KAT6A: variants seen among roughly 807,000 people sequenced by gnomAD.
KAT6A encodes lysine acetyltransferase 6A.
In KAT6A, 9 loss-of-function variants were observed where a neutral mutation model predicts 198.4. That is an observed-to-expected ratio of 0.05 (90% CI 0.03 to 0.08). The LOEUF (loss-of-function observed/expected upper bound fraction) is 0.08, where lower values mean the gene tolerates loss of function less well. KAT6A is among the 10% of genes least tolerant of loss of function. The pLI is 1.00. For synonymous variants in KAT6A, 890 were observed against 883.0 expected, an observed-to-expected ratio of 1.01 and a Z score of -0.14; for missense variants, 2,077 against 2,509.9, an observed-to-expected ratio of 0.83 and a Z score of 3.69.
At chr8:41,989,267 G>A (rs565399865) in intron 2 of KAT6A, among the ~76,000 whole-genome samples, 1 of 152,264 alleles carries the variant, frequency 6.6e-6, no homozygotes, top group East Asian at 1.9e-4. Flanking sequence ...CCAGCACTTT[G>A]GGAGGCCGAG....
At chr8:42,008,675 C>G (rs1825864160) in intron 2 of KAT6A, among the ~76,000 whole-genome samples, 1 of 152,004 alleles carries the variant, frequency 6.6e-6, no homozygotes, top group Non-Finnish European at 1.5e-5. Flanking sequence ...ACACTGTTCT[C>G]AAGAACAGTG....
chr8:42,008,582 G>A (rs1028126187), intron 2 of KAT6A, among the ~76,000 whole-genome samples: 156 of 152,052 alleles, frequency 1.0e-3, no homozygotes, highest in Non-Finnish European at 1.5e-3. Flanking sequence ...CAAGTGATCC[G>A]CCTGCCTCTG....
Position 42,032,266 on chromosome 8 carries a change from AC to A in KAT6A, c.600+16111del, listed in dbSNP as rs561722288. Among the ~76,000 whole-genome samples the A allele has an allele frequency of 2.3e-3, 344 of 152,268 alleles. 1 individual carries two copies. Among genetic ancestry groups the A allele is most frequent in the African/African-American group, 8.0e-3 (333 of 41,558 alleles). Reference sequence around the variant, plus strand: ...GGCTCTAGTTCCATTTATTACCTTAACTATATAATTCTGACTAAGTAAAACT... The same window carrying A: ...GGCTCTAGTTCCATTTATTACCTTAATATATAATTCTGACTAAGTAAAACT... On this transcript the variant is annotated intron_variant, in intron 2 of 16. Transcript: ENST00000265713.
chr8:41,966,626 C>T (rs943526061), intron 8 of KAT6A, among the ~76,000 whole-genome samples: 4 of 152,140 alleles, frequency 2.6e-5, no homozygotes, highest in Non-Finnish European at 5.9e-5. Flanking sequence ...CTGTGATCAT[C>T]TCAGGTTGCG....
At chr8:41,992,903 G>A (rs1290048021) in intron 2 of KAT6A, among the ~76,000 whole-genome samples, 3 of 152,110 alleles carry the variant, frequency 2.0e-5, no homozygotes. Flanking sequence ...AAAAAAAGGA[G>A]AAAGTCTGGA....
chr8:42,024,236 A>C (rs1826684497), intron 2 of KAT6A, among the ~76,000 whole-genome samples: 1 of 152,236 alleles, frequency 6.6e-6, no homozygotes, highest in Non-Finnish European at 1.5e-5. Flanking sequence ...CACCACAAAC[A>C]TGCTGAGTAG....
intron 1 of KAT6A, among the ~76,000 whole-genome samples, chr8:42,050,956 T>C (rs1037685836): frequency 6.6e-6 from 1 of 151,908 alleles, no homozygotes; most frequent in African/African-American, 2.4e-5. Context: ...CCCGTCCCCA[T>C]TCCCCACCCC....
chr8:41,933,388 C>T lies in KAT6A; in HGVS notation c.4832G>A (p.Ser1611Asn), dbSNP rs374694230. 3.1e-6 allele frequency: 5 copies of T among 1,605,596 alleles called. No homozygotes were observed. Among genetic ancestry groups the T allele is most frequent in the Non-Finnish European group, 4.2e-6 (5 of 1,177,684 alleles). Residue 1611 changes from serine to asparagine, a missense_variant, in exon 17 of 17, where the codon AGC (serine) becomes AAC (asparagine). This residue lies in a region of KAT6A where 500 missense variants were observed against 577.2 expected (regional missense o/e 0.87). Transcript: ENST00000265713. The surrounding 1 kb of genome is among the most constrained non-coding windows in gnomAD (Gnocchi z 6.2). The part of the protein sequence containing the change: ...SSCVVTQQMA[S>N]MGSSCSMMQQ... ...CATCATGCTGCAGCTGCTGCCCATG[C>T]TGGCCATCTGCTGAGTGACCACACA...
At chr8:41,984,881 G>A (rs1824528985) in intron 3 of KAT6A, among the ~76,000 whole-genome samples, 1 of 151,712 alleles carries the variant, frequency 6.6e-6, no homozygotes, top group Non-Finnish European at 1.5e-5. Flanking sequence ...TACTCCGGAG[G>A]CTGAGGCAGG....
intron 2 of KAT6A, among the ~76,000 whole-genome samples, chr8:42,006,003 A>G (rs950038664): frequency 2.0e-5 from 3 of 152,222 alleles, no homozygotes; most frequent in Admixed American, 6.5e-5. Flanking sequence ...GCCTGAGCTG[A>G]TCTGGTCCCT....
At chr8:41,978,825 A>G (rs1263381298) in intron 5 of KAT6A, 48 bp from the exon 6 acceptor site, 2 of 1,563,268 alleles carry the variant, frequency 1.3e-6, no homozygotes, top group Non-Finnish European at 1.8e-6. Context: ...ACATAAATAC[A>G]CTGAAAGGTT....
chr8:41,934,214 G>A lies in KAT6A; in HGVS notation c.4006C>T (p.Pro1336Ser), dbSNP rs748823537. 4.3e-6 allele frequency: 7 copies of A among 1,613,952 alleles called. No homozygotes were observed. In the African/African-American group the frequency reaches 9.3e-5, roughly 22 times the overall value. Residue 1336 changes from proline to serine, a missense_variant, in exon 17 of 17, where the codon CCC becomes TCC. Coordinates refer to ENST00000265713, the MANE Select transcript of KAT6A (RefSeq NM_006766.5). ...STKKKELEEQ[P>S]TREDVKEEPG... ...TCCTCCTTGACATCTTCCCTCGTGG[G>A]CTGTTCCTCTAGCTCCTTTTTCTTT...
intron 2 of KAT6A, among the ~76,000 whole-genome samples, chr8:42,023,494 A>C (rs1165799277): frequency 1.4e-5 from 1 of 72,968 alleles, no homozygotes; most frequent in African/African-American, 1.3e-4. Flanking sequence ...AAATATATTT[A>C]CTTTTTTTTT....
At chr8:41,938,663 G>C (rs1424219519) in intron 15 of KAT6A, among the ~76,000 whole-genome samples, 1 of 151,982 alleles carries the variant, frequency 6.6e-6, no homozygotes, top group Admixed American at 6.6e-5. Context: ...TTAAACACAG[G>C]AGGCCAGGCG....
intron 2 of KAT6A, among the ~76,000 whole-genome samples, chr8:41,989,536 G>A (rs1049801486): frequency 5.9e-5 from 9 of 151,370 alleles, no homozygotes; most frequent in Non-Finnish European, 1.3e-4. Context: ...GTAACGTGAC[G>A]TGACGTGACG....
At chr8:41,978,418 A>C (rs914606841) in intron 6 of KAT6A, among the ~76,000 whole-genome samples, 4 of 152,246 alleles carry the variant, frequency 2.6e-5, no homozygotes, top group African/African-American at 9.6e-5. Flanking sequence ...AGCAGCAGCT[A>C]TATTTCACTG....
At chr8:42,029,413 T>G (rs771838858) in intron 2 of KAT6A, among the ~76,000 whole-genome samples, 3 of 152,164 alleles carry the variant, frequency 2.0e-5, no homozygotes, top group Non-Finnish European at 4.4e-5. Context: ...ACTCAAATAT[T>G]TGGTCACATT....
intron 2 of KAT6A, among the ~76,000 whole-genome samples, chr8:42,003,325 C>T (rs1006398884): frequency 6.6e-6 from 1 of 152,156 alleles, no homozygotes; most frequent in African/African-American, 2.4e-5. Flanking sequence ...AGATCTGAGA[C>T]CCAACTTTGT....
At chr8:42,033,532 T>C (rs941622930) in intron 2 of KAT6A, among the ~76,000 whole-genome samples, 3 of 152,218 alleles carry the variant, frequency 2.0e-5, no homozygotes, top group Admixed American at 2.0e-4. Context: ...TTCTAGGCCT[T>C]TGTACATGCT....
Sources: gnomAD v4.1 joint callset for allele counts (sites outside exome capture counted in the v4.1 genomes callset) on GRCh38, gnomAD v4.1.1 for gene constraint, gnomAD v4.1.1 regional missense constraint, Gnocchi (gnomAD v3.1) non-coding constraint, MANE v1.5 for transcripts, NCBI Gene and HGNC (gene_info 2026-07-23, HGNC 2026-07-21) for gene names.